The following IL5RA variants were observed in gnomAD, a reference collection of about 807,000 sequenced individuals.
The protein encoded by IL5RA is interleukin-5 receptor subunit alpha.
Under a neutral mutation model 50.0 loss-of-function variants are expected in IL5RA, and 49 were observed. That is an observed-to-expected ratio of 0.98 (90% CI 0.78 to 1.24). IL5RA has a LOEUF of 1.24. Among genes scored for constraint, IL5RA ranks in the 50% most tolerant of loss-of-function variants. IL5RA has a pLI of 0.00. For missense variants in IL5RA, 600 were observed against 500.4 expected, an observed-to-expected ratio of 1.20 and a Z score of -1.90; for synonymous variants, 202 against 174.0, an observed-to-expected ratio of 1.16 and a Z score of -1.26.
rs768358104 is a variant in IL5RA, at chr3:3,105,001, G to A, written c.-3-14C>T. The A allele has an allele frequency of 5.9e-6, 9 of 1,536,530 alleles. No homozygotes were observed. Among genetic ancestry groups the A allele is most frequent in the Middle Eastern group, 3.4e-4 (2 of 5,900 alleles). Reference sequence around the variant, plus strand: ...GATGATCATATCCTACAGAAAACAAGGGAGATACCAAAATCATCTTGTTGC... The same window carrying A: ...GATGATCATATCCTACAGAAAACAAAGGAGATACCAAAATCATCTTGTTGC... On this transcript the variant is annotated splice_polypyrimidine_tract_variant and intron_variant, in intron 2 of 11. Transcript: ENST00000446632.
intron 9 of IL5RA, among the ~76,000 whole-genome samples, chr3:3,090,884 T>C (rs376831165): frequency 6.6e-6 from 1 of 152,142 alleles, no homozygotes; most frequent in East Asian, 1.9e-4. Context: ...ACACAGGGTA[T>C]GAATTTTCTA....
chr3:3,099,955 C>G (rs941367940), intron 5 of IL5RA, among the ~76,000 whole-genome samples: 1 of 152,110 alleles, frequency 6.6e-6, no homozygotes, highest in Non-Finnish European at 1.5e-5. Flanking sequence ...CAGGCGTGAG[C>G]GACCGCACCC....
intron 9 of IL5RA, among the ~76,000 whole-genome samples, chr3:3,082,756 C>G (rs941119370): frequency 6.6e-6 from 1 of 152,162 alleles, no homozygotes; most frequent in African/African-American, 2.4e-5. Context: ...CAAGCCACTT[C>G]CCTTTTAGGG....
rs1703162424 is a variant in IL5RA at position 3,092,363 on chromosome 3, C to G, written c.856-1G>C. On this transcript the variant is annotated splice_acceptor_variant, in intron 8 of 11. Coordinates refer to ENST00000446632, the MANE Select transcript of IL5RA (RefSeq NM_175726.4). LOFTEE classifies it high-confidence loss of function. This position sits in a 1 kb window ranked among gnomAD's most constrained non-coding sequence, Gnocchi z 4.2. Reference sequence around the variant, plus strand: ...ATGCATTGGTCATCAATTTTTCTATCTAAGTGGGGAAAGATAGCATTAGAA... The same window carrying G: ...ATGCATTGGTCATCAATTTTTCTATGTAAGTGGGGAAAGATAGCATTAGAA... 6.2e-7 allele frequency: 1 copy of G among 1,612,544 alleles called. No homozygotes were observed. Among genetic ancestry groups the G allele is most frequent in the Non-Finnish European group, 8.5e-7 (1 of 1,179,682 alleles).
rs1353833852 is a variant in IL5RA at position 3,070,075 on chromosome 3, C to T, written c.*150G>A. The T allele has an allele frequency of 6.5e-6, 4 of 620,034 alleles. No individual in the cohort carries two copies. Among genetic ancestry groups the T allele is most frequent in the Non-Finnish European group, 8.7e-6 (3 of 343,334 alleles). 38.4% of individuals were successfully genotyped at this position (620,034 alleles called of 1,614,324 possible). ...GAAGCATCCATACTTTTAAGAGATA[C>T]AAGACTGGTGTGTCTGGGTGTATTG... On this transcript the variant is annotated 3_prime_UTR_variant, in exon 12 of 12. Coordinates refer to ENST00000446632, the MANE Select transcript of IL5RA (RefSeq NM_175726.4).
Position 3,066,825 on chromosome 3 carries a change from C to T in IL5RA, c.*3400G>A, listed in dbSNP as rs1479151713. On this transcript the variant is annotated 3_prime_UTR_variant, in exon 12 of 12. Coordinates refer to ENST00000446632, the MANE Select transcript of IL5RA (RefSeq NM_175726.4). ...GGCTGTTGGCAAATGTGACCTTCAC[C>T]CTCCAGTCTCCCCAGCACTCCCCCA... 1 of 152,254 alleles carries T rather than the reference C, an allele frequency of 6.6e-6. No homozygotes were observed. The highest frequency in any genetic ancestry group is 1.5e-5 in the Non-Finnish European group (1 of 68,108). The allele number at this position is 152,254 out of a possible 1,614,324, so 9.4% of individuals were successfully genotyped here. A position where few individuals can be genotyped will look rare whatever the true frequency, so the allele number is the denominator to read the frequency against.
intron 9 of IL5RA, among the ~76,000 whole-genome samples, chr3:3,086,952 A>T (rs1702889030): frequency 6.6e-6 from 1 of 152,236 alleles, no homozygotes. Flanking sequence ...CCCTAAGGAA[A>T]GTAATCAGGA....
At chr3:3,096,289 A>AAAAAGAAG (rs367739003) in intron 7 of IL5RA, among the ~76,000 whole-genome samples, 6 of 141,340 alleles carry the variant, frequency 4.2e-5, no homozygotes, top group African/African-American at 1.6e-4. Flanking sequence ...AAAAAAAAAA[A>AAAAAGAAG]AAGAAGAAGA....
intron 2 of IL5RA, among the ~76,000 whole-genome samples, chr3:3,107,852 T>G (rs2125988787): frequency 6.6e-6 from 1 of 152,358 alleles, no homozygotes; most frequent in East Asian, 1.9e-4. Context: ...TTTTGACAAT[T>G]AGCAGTGGAT....
rs750003972 is a variant in IL5RA at position 3,101,796 on chromosome 3, G to T, written c.263C>A (p.Thr88Asn). Residue 88 changes from threonine (T) to asparagine (N), a missense_variant, in exon 5 of 12, where the codon ACC (threonine) becomes AAC (asparagine). Physicochemically the swap from Thr to Asn is moderately conservative, Grantham distance 65. Transcript: ENST00000446632. ...TGCTGAAAAGCCTTTGTGGAGGATGGTTACACATTTGCTTTCAGTGATTCT... is the reference window on the plus strand; with the variant it reads ...TGCTGAAAAGCCTTTGTGGAGGATGTTTACACATTTGCTTTCAGTGATTCT... The part of the protein sequence containing the change: ...ETRITESKCV[T>N]ILHKGFSASV... 6.2e-7 allele frequency: 1 copy of T among 1,613,938 alleles called. No individual in the cohort carries two copies. Among genetic ancestry groups the T allele is most frequent in the Admixed American group, 1.7e-5 (1 of 60,006 alleles).
intron 9 of IL5RA, among the ~76,000 whole-genome samples, chr3:3,088,199 C>G (rs182832951): frequency 6.6e-6 from 1 of 152,250 alleles, no homozygotes; most frequent in South Asian, 2.1e-4. Flanking sequence ...TTAAAATAAG[C>G]GCTCGTTATG....
rs369016320 is a variant in IL5RA at position 3,102,766 on chromosome 3, A to G, written c.137T>C (p.Val46Ala). Reference protein sequence around the residue: ...FTIKVTGLAQVLLQWKPNPDQ... With the variant: ...FTIKVTGLAQALLQWKPNPDQ... Reference sequence around the variant, plus strand: ...AGGATTTGGTTTCCATTGTAAAAGAACTTGAGCCAAACCAGTAACTTTAAT... The same window carrying G: ...AGGATTTGGTTTCCATTGTAAAAGAGCTTGAGCCAAACCAGTAACTTTAAT... Residue 46 changes from valine (V) to alanine (A), a missense_variant, in exon 4 of 12, where the codon GTT becomes GCT. Val to Ala is a moderately conservative substitution (Grantham distance 64). Transcript: ENST00000446632. The G allele has an allele frequency of 4.5e-5, 73 of 1,611,926 alleles. No individual in the cohort carries two copies. Among genetic ancestry groups the G allele is most frequent in the Admixed American group, 8.4e-5 (5 of 59,830 alleles).
Position 3,102,723 on chromosome 3 carries a change from A to AT in IL5RA, c.179dup (p.Asn60LysfsTer3). Reference sequence around the variant, plus strand: ...TTTTCACTTGATATTCTAGATTAACATTCCTTTGCTCTTGATCAGGATTTG... The same window carrying AT: ...TTTTCACTTGATATTCTAGATTAACATTTCCTTTGCTCTTGATCAGGATTTG... On this transcript the variant is annotated frameshift_variant, in exon 4 of 12. Transcript: ENST00000446632. LOFTEE classifies it high-confidence loss of function. The AT allele has an allele frequency of 1.2e-6, 2 of 1,609,206 alleles. No homozygotes were observed. The highest frequency in any genetic ancestry group is 1.7e-6 in the Non-Finnish European group (2 of 1,176,550).
chr3:3,108,895 T>A (rs1704056354), intron 1 of IL5RA, among the ~76,000 whole-genome samples: 1 of 152,232 alleles, frequency 6.6e-6, no homozygotes, highest in Non-Finnish European at 1.5e-5. Context: ...TCTAAAACTT[T>A]ATTTTGCTTT....
chr3:3,083,591 A>C (rs554107532), intron 9 of IL5RA, among the ~76,000 whole-genome samples: 7 of 152,336 alleles, frequency 4.6e-5, no homozygotes, highest in Admixed American at 1.3e-4. Flanking sequence ...AGGCTTTCCC[A>C]CAAAGCACCA....
chr3:3,078,299 A>T (rs979139699), intron 9 of IL5RA, among the ~76,000 whole-genome samples: 2 of 152,204 alleles, frequency 1.3e-5, no homozygotes, highest in African/African-American at 2.4e-5. Context: ...GGAAGGAGAG[A>T]TACCTTGGGA....
In IL5RA at chr3:3,101,843, C is replaced by A. The variant is rs774670235; in HGVS notation, c.229-13G>T. 14 of 1,611,324 alleles carry A rather than the reference C, an allele frequency of 8.7e-6. No individual in the cohort carries two copies. The East Asian group carries it at 2.2e-4, about 26-fold the overall frequency. Reference sequence around the variant, plus strand: ...TTCTGGTTTCATACTAAAAATAAAACCCACAAGTCATGATACATAAAAGAG... The same window carrying A: ...TTCTGGTTTCATACTAAAAATAAAAACCACAAGTCATGATACATAAAAGAG... On this transcript the variant is annotated splice_polypyrimidine_tract_variant and intron_variant, in intron 4 of 11. Transcript: ENST00000446632.
At chr3:3,104,296 C>A (rs1703799776) in intron 3 of IL5RA, among the ~76,000 whole-genome samples, 1 of 152,230 alleles carries the variant, frequency 6.6e-6, no homozygotes, top group Non-Finnish European at 1.5e-5. Flanking sequence ...GCCCCGGCCT[C>A]CCAAAGTGCT....
intron 9 of IL5RA, among the ~76,000 whole-genome samples, chr3:3,081,504 G>T (rs1359116073): frequency 6.6e-6 from 1 of 152,176 alleles, no homozygotes; most frequent in Admixed American, 6.5e-5. Context: ...AAAAGTGTGG[G>T]TCCTGCAGAA....
Sources: gnomAD v4.1 joint callset for allele counts (sites outside exome capture counted in the v4.1 genomes callset) on GRCh38, gnomAD v4.1.1 for gene constraint, Gnocchi (gnomAD v3.1) non-coding constraint, MANE v1.5 for transcripts, NCBI Gene and HGNC (gene_info 2026-07-23, HGNC 2026-07-21) for gene names.